CIMAP1B: variants seen among roughly 807,000 people sequenced by gnomAD.
CIMAP1B encodes orf2 5' to PD-ECGF/TP.
chr22:50,530,953 A>G, the CIMAP1B span: 1 of 1,611,054 alleles, frequency 6.2e-7, no homozygotes, highest in Non-Finnish European at 8.5e-7. Context: ...GAGGTCCTCG[A>G]AGAAACTGCC....
At chr22:50,531,226 C>A in the CIMAP1B span, 1 of 1,613,000 alleles carries the variant, frequency 6.2e-7, no homozygotes. Context: ...ACCCCAGTTT[C>A]GGGGAGCAAT....
At chr22:50,531,918 C>A in the CIMAP1B span, 1 of 1,314,074 alleles carries the variant, frequency 7.6e-7, no homozygotes, top group Admixed American at 4.1e-5. Context: ...CTTCCCCTTC[C>A]CTCCCCCAGG....
At chr22:50,531,365 C>G in the CIMAP1B span, 3 of 1,310,912 alleles carry the variant, frequency 2.3e-6, no homozygotes, top group Non-Finnish European at 3.2e-6. Flanking sequence ...GAGATGGGGT[C>G]CTGGGACTAG....
the CIMAP1B span, chr22:50,532,093 C>A: frequency 1.5e-6 from 2 of 1,361,170 alleles, no homozygotes; most frequent in East Asian, 6.2e-5. Flanking sequence ...GGGTGGGGGG[C>A]GCTTACGGCT....
the CIMAP1B span, chr22:50,531,540 T>C: frequency 7.1e-7 from 1 of 1,409,992 alleles, no homozygotes; most frequent in Non-Finnish European, 9.2e-7. Context: ...AGTTCGGCGT[T>C]GGGGTGGCCA....
the CIMAP1B span, chr22:50,530,979 G>A: frequency 1.2e-6 from 2 of 1,611,356 alleles, no homozygotes; most frequent in Non-Finnish European, 1.7e-6. Flanking sequence ...CTCTGCGGCC[G>A]TAGATGGAGC....
the CIMAP1B span, chr22:50,531,776 G>A: frequency 1.5e-6 from 2 of 1,359,708 alleles, no homozygotes; most frequent in Non-Finnish European, 1.9e-6. Flanking sequence ...GGCGTAGCCT[G>A]GGAGCATCCG....
chr22:50,530,921 C>A, the CIMAP1B span: 2 of 1,610,078 alleles, frequency 1.2e-6, no homozygotes, highest in East Asian at 2.2e-5. Context: ...TGCGTCCGCC[C>A]CGGCCCCTCC....
the CIMAP1B span, chr22:50,531,449 G>T: frequency 9.4e-7 from 1 of 1,063,316 alleles, no homozygotes. Context: ...GGATATGGGG[G>T]TACCGAATAT....
the CIMAP1B span, chr22:50,531,468 A>T: frequency 9.2e-7 from 1 of 1,084,778 alleles, no homozygotes; most frequent in Non-Finnish European, 1.3e-6. Context: ...ATGCGGTGTT[A>T]GGGTATCCGA....
chr22:50,530,763 G>T, the CIMAP1B span: 2 of 1,609,860 alleles, frequency 1.2e-6, no homozygotes, highest in South Asian at 1.1e-5. Flanking sequence ...TGTCTTGGGG[G>T]AGCGAAGTCC....
chr22:50,530,667 C>T, the CIMAP1B span: 1 of 1,601,350 alleles, frequency 6.2e-7, no homozygotes, highest in South Asian at 1.1e-5. Context: ...CTCAGGCCCT[C>T]CCCACTCTCC....
the CIMAP1B span, chr22:50,531,384 C>G: frequency 3.4e-6 from 4 of 1,190,664 alleles, no homozygotes; most frequent in Admixed American, 2.7e-5. Flanking sequence ...AGTGGGGAGT[C>G]TGAGCCACGA....
the CIMAP1B span, chr22:50,532,230 A>G: frequency 1.8e-6 from 2 of 1,091,700 alleles, no homozygotes; most frequent in South Asian, 4.0e-5. Flanking sequence ...CCCTGGCGCC[A>G]GCAAAACAAA....
chr22:50,531,771 A>G, the CIMAP1B span: 40 of 1,359,920 alleles, frequency 2.9e-5, no homozygotes, highest in Non-Finnish European at 3.6e-5. Context: ...TGCAGGGCGT[A>G]GCCTGGGAGC....
the CIMAP1B span, chr22:50,531,162 A>G: frequency 4.4e-6 from 7 of 1,594,688 alleles, no homozygotes; most frequent in South Asian, 3.3e-5. Context: ...GAAGGCCCAC[A>G]GTTCTGGGAT....
chr22:50,531,849 A>G, the CIMAP1B span: 2 of 1,327,216 alleles, frequency 1.5e-6, no homozygotes, highest in East Asian at 6.3e-5. Flanking sequence ...CCCCCGGCAC[A>G]GACCCCCTCT....
the CIMAP1B span, chr22:50,531,693 ACGT>A: frequency 2.9e-6 from 4 of 1,362,412 alleles, no homozygotes; most frequent in South Asian, 3.6e-5. Context: ...CCGGGGCCGC[ACGT>A]CGTCTGCTGC....
chr22:50,531,673 G>C, the CIMAP1B span: 1 of 1,371,432 alleles, frequency 7.3e-7, no homozygotes, highest in Non-Finnish European at 9.4e-7. Flanking sequence ...CGGGCACCAG[G>C]TGGCCTGGCC....
Sources: allele counts gnomAD v4.1 joint callset, GRCh38; gene constraint gnomAD v4.1.1; transcripts MANE v1.5; gene names NCBI Gene and HGNC (gene_info 2026-07-23, HGNC 2026-07-21).